Variants in SRBD1 observed in about 807,000 individuals in gnomAD.
The protein encoded by SRBD1 is S1 RNA-binding domain-containing protein 1.
A neutral mutation model predicts 115.3 loss-of-function variants in SRBD1; 88 were observed. The ratio of observed to expected loss-of-function variants is 0.76; its 90% confidence interval spans 0.64 to 0.91. SRBD1 has a LOEUF of 0.91. Ranked by LOEUF, SRBD1 falls within the 40% of genes least tolerant of loss-of-function variation. SRBD1 has a pLI of 0.00. For synonymous variants in SRBD1, 509 were observed against 407.7 expected (o/e 1.25, Z -2.99); for missense variants, 1,385 against 1,177.4 (o/e 1.18, Z -2.58).
chr2:45,555,530 G>A (rs910258565), intron 10 of SRBD1, among the ~76,000 whole-genome samples: 4 of 130,530 alleles, frequency 3.1e-5, no homozygotes, highest in Admixed American at 9.1e-5. Context: ...CTGCTCTGTC[G>A]CCCAGGCTGG....
At chr2:45,431,565 A>T (rs552720110) in intron 16 of SRBD1, among the ~76,000 whole-genome samples, 1 of 152,204 alleles carries the variant, frequency 6.6e-6, no homozygotes, top group Non-Finnish European at 1.5e-5. Context: ...CATAAATGGG[A>T]GTTGAACAAT....
intron 13 of SRBD1, among the ~76,000 whole-genome samples, chr2:45,547,244 A>G (rs975057258): frequency 2.6e-5 from 4 of 152,228 alleles, no homozygotes; most frequent in African/African-American, 9.6e-5. Flanking sequence ...GATGGAAAGA[A>G]GGCAGGGAGA....
chr2:45,543,288 T>A (rs1472600856), intron 14 of SRBD1, among the ~76,000 whole-genome samples: 3 of 152,216 alleles, frequency 2.0e-5, no homozygotes, highest in Non-Finnish European at 4.4e-5. Context: ...TATGTGTAAG[T>A]ATCATGATTC....
At position 45,527,076 on chromosome 2, in the gene SRBD1, C is replaced by T. The variant is rs528323819; in HGVS notation, c.1874+19656G>A. The stretch of plus-strand genomic sequence containing the variant: ...ATGTAGCTTTAATCTGAAAAGCATA[C>T]CTTTTATTTTTTATATCTTCCATAG... On this transcript the variant is annotated intron_variant, in intron 14 of 20. Transcript: ENST00000263736. Among the ~76,000 whole-genome samples the T allele has an allele frequency of 4.6e-5, 7 of 151,854 alleles. No homozygotes were observed. In the South Asian group the frequency reaches 1.2e-3, roughly 27 times the overall value.
chr2:45,487,757 C>A (rs564378865), intron 15 of SRBD1, among the ~76,000 whole-genome samples: 12 of 152,216 alleles, frequency 7.9e-5, no homozygotes, highest in Non-Finnish European at 1.3e-4. Flanking sequence ...TGGGTTCAAG[C>A]AATTCCCTGT....
At chr2:45,423,436 A>C (rs1350507652) in intron 16 of SRBD1, among the ~76,000 whole-genome samples, 1 of 152,202 alleles carries the variant, frequency 6.6e-6, no homozygotes, top group Non-Finnish European at 1.5e-5. Flanking sequence ...TATACATTAA[A>C]CCAGATACAT....
chr2:45,574,633 C>T lies in SRBD1; in HGVS notation c.1163G>A (p.Arg388Gln), dbSNP rs547710171. ...CCATAAAAGAGATACTCACAAGTTCCGAATGAAGTCAAGCGTGTCTTTGTC... is the reference window on the plus strand; with the variant it reads ...CCATAAAAGAGATACTCACAAGTTCTGAATGAAGTCAAGCGTGTCTTTGTC... Reference protein sequence around the residue: ...AKDKDTLDFIRNLCQKRHVCI... With the variant: ...AKDKDTLDFIQNLCQKRHVCI... The change falls in exon 8 of 21, where the codon CGG becomes CAG. Residue 388 changes from arginine to glutamine, a missense_variant. Transcript: ENST00000263736. 5.0e-6 allele frequency: 8 copies of T among 1,612,592 alleles called. No individual in the cohort carries two copies. The highest frequency in any genetic ancestry group is 2.7e-5 in the African/African-American group (2 of 74,908).
chr2:45,451,320 C>CG (rs531180185), intron 16 of SRBD1, among the ~76,000 whole-genome samples: 131 of 152,038 alleles, frequency 8.6e-4, no homozygotes, highest in African/African-American at 3.1e-3. Context: ...CCTAACTTTA[C>CG]GGGGGTGAAA....
chr2:45,445,439 C>G (rs1418174187), intron 16 of SRBD1, among the ~76,000 whole-genome samples: 1 of 147,464 alleles, frequency 6.8e-6, no homozygotes, highest in Non-Finnish European at 1.5e-5. Context: ...GGGCACAGAT[C>G]AGAAGGAACC....
Position 45,460,974 on chromosome 2 carries a change from G to A in SRBD1, c.2049+16019C>T, listed in dbSNP as rs566340413. On this transcript the variant is annotated intron_variant, in intron 16 of 20. Coordinates refer to ENST00000263736, the MANE Select transcript of SRBD1 (RefSeq NM_018079.5). ...GTCACCAGGAATGACTGGTCATGAT[G>A]ACCGAATAACAACCCAACCAGGCGT... Among the ~76,000 whole-genome samples the A allele has an allele frequency of 1.6e-4, 24 of 152,306 alleles. No homozygotes were observed. In the South Asian group the frequency reaches 3.7e-3, roughly 24 times the overall value.
intron 6 of SRBD1, among the ~76,000 whole-genome samples, chr2:45,580,676 C>CTTTTT (rs369067711): frequency 3.9e-5 from 3 of 76,350 alleles, no homozygotes; most frequent in African/African-American, 1.3e-4. Flanking sequence ...TCTTCTACTT[C>CTTTTT]TTTTTTTTTT....
chr2:45,537,079 G>T (rs1430736636), intron 14 of SRBD1, among the ~76,000 whole-genome samples: 1 of 152,030 alleles, frequency 6.6e-6, no homozygotes, highest in Non-Finnish European at 1.5e-5. Flanking sequence ...GCACTAAATG[G>T]ACTTCACATT....
chr2:45,416,038 G>A (rs926030038), intron 18 of SRBD1, among the ~76,000 whole-genome samples: 2 of 152,014 alleles, frequency 1.3e-5, no homozygotes, highest in Non-Finnish European at 2.9e-5. Context: ...GGAAAACAAG[G>A]AGAGAAACAG....
intron 14 of SRBD1, among the ~76,000 whole-genome samples, chr2:45,537,713 C>T (rs1006385359): frequency 6.6e-6 from 1 of 152,140 alleles, no homozygotes; most frequent in Non-Finnish European, 1.5e-5. Flanking sequence ...GCTCTCTCAA[C>T]ATTTCACATA....
At chr2:45,411,953 A>G (rs1667615648) in intron 19 of SRBD1, among the ~76,000 whole-genome samples, 1 of 152,170 alleles carries the variant, frequency 6.6e-6, no homozygotes, top group Admixed American at 6.5e-5. Flanking sequence ...TCTACTAAAA[A>G]TACAAAAAAT....
chr2:45,531,967 T>C (rs1252802564), intron 14 of SRBD1, among the ~76,000 whole-genome samples: 1 of 151,890 alleles, frequency 6.6e-6, no homozygotes, highest in Non-Finnish European at 1.5e-5. Context: ...GACTTTTCTT[T>C]GGCCACCCTC....
intron 16 of SRBD1, among the ~76,000 whole-genome samples, chr2:45,467,627 A>C (rs977186358): frequency 2.0e-5 from 3 of 152,200 alleles, no homozygotes; most frequent in Non-Finnish European, 4.4e-5. Flanking sequence ...TTATGAGATA[A>C]GATATTTTTT....
chr2:45,405,414 G>C (rs1413826355), intron 19 of SRBD1, among the ~76,000 whole-genome samples: 1 of 152,102 alleles, frequency 6.6e-6, no homozygotes, highest in Non-Finnish European at 1.5e-5. Flanking sequence ...GGTGGTACAA[G>C]TTTCAATTTT....
intron 14 of SRBD1, 140 bp from the exon 15 acceptor site, chr2:45,488,471 A>T: frequency 1.7e-6 from 1 of 596,016 alleles, no homozygotes; most frequent in Non-Finnish European, 2.9e-6. Context: ...TGATACTGAC[A>T]GCATCTAATA....
Sources: allele counts gnomAD v4.1 joint callset (sites outside exome capture counted in the v4.1 genomes callset), GRCh38; gene constraint gnomAD v4.1.1; transcripts MANE v1.5; gene names NCBI Gene and HGNC (gene_info 2026-07-23, HGNC 2026-07-21).